Variants in BABAM2 observed in about 807,000 individuals in gnomAD.
BABAM2 encodes the protein BRISC and BRCA1-A complex member 2.
Under a neutral mutation model 54.7 loss-of-function variants are expected in BABAM2, and 31 were observed. That is an observed-to-expected ratio of 0.57 (90% CI 0.43 to 0.77). BABAM2 has a LOEUF of 0.77. BABAM2 is among the 30% of genes least tolerant of loss of function. BABAM2 has a pLI of 0.00. For missense variants in BABAM2, 364 were observed against 455.8 expected (o/e 0.80, Z 1.83); for synonymous variants, 167 against 162.9 (o/e 1.03, Z -0.19).
intron 4 of BABAM2, among the ~76,000 whole-genome samples, chr2:28,024,738 C>T (rs1675528618): frequency 6.6e-6 from 1 of 152,116 alleles, no homozygotes; most frequent in Non-Finnish European, 1.5e-5. Context: ...CACCATTGTG[C>T]TTATATTTCT....
At chr2:28,030,327 A>C (rs1676200887) in intron 5 of BABAM2, among the ~76,000 whole-genome samples, 1 of 152,192 alleles carries the variant, frequency 6.6e-6, no homozygotes, top group African/African-American at 2.4e-5. Context: ...CTACTGCTAC[A>C]CTTATCTCAG....
At chr2:28,186,802 T>G (rs1216035165) in intron 7 of BABAM2, among the ~76,000 whole-genome samples, 1 of 128,018 alleles carries the variant, frequency 7.8e-6, no homozygotes, top group African/African-American at 2.8e-5. Flanking sequence ...TCACAAGGAA[T>G]TCAACATTTT....
chr2:28,102,879 C>T (rs1309691294), intron 6 of BABAM2, among the ~76,000 whole-genome samples: 1 of 152,108 alleles, frequency 6.6e-6, no homozygotes, highest in African/African-American at 2.4e-5. Flanking sequence ...AACATAACTG[C>T]ATTGAGTTTT....
At chr2:27,892,513 A>G (rs1344749592) in intron 1 of BABAM2, 2 of 152,226 alleles carry the variant, frequency 1.3e-5, no homozygotes, top group Non-Finnish European at 2.9e-5. Context: ...TTTGATAAGC[A>G]TCCCTTCAAG....
At chr2:28,257,900 G>A (rs1319419625) in intron 10 of BABAM2, among the ~76,000 whole-genome samples, 10 of 151,562 alleles carry the variant, frequency 6.6e-5, no homozygotes. Context: ...AAAGAAGCCG[G>A]GCGTGGTGGC....
At chr2:28,331,320 G>A (rs2148333531) in intron 11 of BABAM2, among the ~76,000 whole-genome samples, 1 of 152,258 alleles carries the variant, frequency 6.6e-6, no homozygotes, top group South Asian at 2.1e-4. Context: ...ATTGACAAAT[G>A]GGATCTAATT....
intron 5 of BABAM2, among the ~76,000 whole-genome samples, chr2:28,028,602 A>G (rs1676060284): frequency 6.6e-6 from 1 of 152,156 alleles, no homozygotes; most frequent in African/African-American, 2.4e-5. Context: ...AGTGTCTTCC[A>G]CTTCATTGGT....
At chr2:28,132,178 C>A (rs1455667628) in intron 7 of BABAM2, among the ~76,000 whole-genome samples, 2 of 150,438 alleles carry the variant, frequency 1.3e-5, no homozygotes, top group East Asian at 3.9e-4. Flanking sequence ...TCGTTCCGTC[C>A]CCCAGGCTGG....
chr2:28,193,264 C>G (rs1677134519), intron 7 of BABAM2, among the ~76,000 whole-genome samples: 1 of 152,114 alleles, frequency 6.6e-6, no homozygotes, highest in African/African-American at 2.4e-5. Context: ...TTAGTTTGTT[C>G]AAGATAGAGG....
At chr2:28,213,936 T>C (rs1256535092) in intron 7 of BABAM2, among the ~76,000 whole-genome samples, 1 of 86,700 alleles carries the variant, frequency 1.2e-5, no homozygotes, top group African/African-American at 3.5e-5. Context: ...ACTAGAACTT[T>C]AACTTGCTTT....
chr2:27,939,697 T>C (rs1668737671), intron 3 of BABAM2, among the ~76,000 whole-genome samples: 1 of 152,240 alleles, frequency 6.6e-6, no homozygotes, highest in South Asian at 2.1e-4. Flanking sequence ...CTCTGCCCTC[T>C]GCAAGCAGAT....
chr2:27,917,308 G>A (rs1369547518), intron 2 of BABAM2, among the ~76,000 whole-genome samples: 3 of 152,246 alleles, frequency 2.0e-5, no homozygotes, highest in South Asian at 2.1e-4. Flanking sequence ...GAGCCACCAC[G>A]CCCGGCCCAA....
At chr2:28,016,285 A>G (rs1674807838) in intron 4 of BABAM2, 2 of 945,532 alleles carry the variant, frequency 2.1e-6, no homozygotes, top group Non-Finnish European at 3.4e-6. Flanking sequence ...TCCAGTTCTC[A>G]TTCATTTTTT....
At position 28,062,587 on chromosome 2, in the gene BABAM2, A is replaced by AC. The variant is rs574544049; in HGVS notation, c.570+16788_570+16789insC. Among the ~76,000 whole-genome samples, 932 of 152,118 alleles carry AC rather than the reference A, an allele frequency of 6.1e-3. 7 individuals carry two copies. Among genetic ancestry groups the AC allele is most frequent in the Non-Finnish European group, 7.8e-3 (531 of 67,984 alleles). On this transcript the variant is annotated intron_variant, in intron 6 of 11. Coordinates refer to ENST00000379624, the MANE Select transcript of BABAM2 (RefSeq NM_199191.3). ...AAAAAAAAAAAACCAAAAAAAAAAA[A>AC]AACATATTTCCAGGATTGTTACCTG...
chr2:28,018,082 C>CAT (rs1292104322), intron 4 of BABAM2, among the ~76,000 whole-genome samples: 2 of 152,146 alleles, frequency 1.3e-5, no homozygotes, highest in African/African-American at 4.8e-5. Context: ...GAGATTGGTA[C>CAT]ATCCATCACA....
intron 4 of BABAM2, 118 bp from the exon 5 acceptor site, chr2:28,025,108 A>G (rs1446170698): frequency 1.1e-6 from 1 of 891,498 alleles, no homozygotes. Context: ...AAGGAGGAGT[A>G]GTCTGTTCCT....
intron 4 of BABAM2, among the ~76,000 whole-genome samples, chr2:28,002,746 G>A (rs1204755644): frequency 6.6e-6 from 1 of 152,114 alleles, no homozygotes; most frequent in African/African-American, 2.4e-5. Flanking sequence ...AGAGAATACA[G>A]TTTAGTGATA....
chr2:28,150,033 C>T (rs11886621), intron 7 of BABAM2, among the ~76,000 whole-genome samples: 75,776 of 151,992 alleles, frequency 0.5, 19,454 homozygotes, highest in Middle Eastern at 0.61. Context: ...TTACTTGTCT[C>T]GAATCTTAAC....
intron 7 of BABAM2, among the ~76,000 whole-genome samples, chr2:28,195,676 C>A (rs1277857782): frequency 6.6e-6 from 1 of 152,088 alleles, no homozygotes; most frequent in Non-Finnish European, 1.5e-5. Flanking sequence ...AATATATATA[C>A]AGTTCGGATA....
Sources: allele counts gnomAD v4.1 joint callset (sites outside exome capture counted in the v4.1 genomes callset), GRCh38; gene constraint gnomAD v4.1.1; transcripts MANE v1.5; gene names NCBI Gene and HGNC (gene_info 2026-07-23, HGNC 2026-07-21).